Variants in PLPPR1 observed in about 807,000 individuals in gnomAD.
The protein encoded by PLPPR1 is phospholipid phosphatase-related protein type 1.
Under a neutral mutation model 33.1 loss-of-function variants are expected in PLPPR1, and 10 were observed. The ratio of observed to expected loss-of-function variants is 0.30; its 90% confidence interval spans 0.19 to 0.51. PLPPR1 has a LOEUF of 0.51. Among genes scored for constraint, PLPPR1 ranks in the 20% least tolerant of loss-of-function variants. PLPPR1 has a pLI of 0.97. For missense variants in PLPPR1, 304 were observed against 408.1 expected, an observed-to-expected ratio of 0.74 and a Z score of 2.20; for synonymous variants, 151 against 151.0, an observed-to-expected ratio of 1.00 and a Z score of 0.00.
chr9:101,063,749 A>G (rs1414714391), intron 1 of PLPPR1, among the ~76,000 whole-genome samples: 4 of 152,088 alleles, frequency 2.6e-5, no homozygotes, highest in Non-Finnish European at 2.9e-5. Context: ...TTTCTTAAAC[A>G]CTATCCCCAT....
intron 4 of PLPPR1, among the ~76,000 whole-genome samples, chr9:101,299,654 A>G (rs991167473): frequency 1.3e-5 from 2 of 152,184 alleles, no homozygotes; most frequent in African/African-American, 4.8e-5. Flanking sequence ...TCTAGTGTTG[A>G]GAGGCTGGAC....
intron 3 of PLPPR1, among the ~76,000 whole-genome samples, chr9:101,274,106 G>C (rs972987727): frequency 6.6e-6 from 1 of 152,222 alleles, no homozygotes; most frequent in Non-Finnish European, 1.5e-5. Flanking sequence ...TCAGTGGACA[G>C]AGCATTAAGC....
intron 4 of PLPPR1, among the ~76,000 whole-genome samples, chr9:101,292,112 G>C (rs534122445): frequency 6.6e-6 from 1 of 152,216 alleles, no homozygotes. Flanking sequence ...TGATGGAGCT[G>C]CAAGCCAAGG....
At position 101,309,219 on chromosome 9, in the gene PLPPR1, G is replaced by A. The variant is rs752369015; in HGVS notation, c.394G>A (p.Ala132Thr). Reference protein sequence around the residue: ...RRIIRFTGVFAFGLFATDIFV... With the variant: ...RRIIRFTGVFTFGLFATDIFV... ...TTTAAATCTTCTTATAGGGGTGTTT[G>A]CATTTGGACTTTTTGCTACTGACAT... The change falls in exon 5 of 8, where the codon GCA becomes ACA. Residue 132 changes from alanine (A) to threonine (T), a missense_variant. Physicochemically the swap from Ala to Thr is moderately conservative, Grantham distance 58. Coordinates refer to ENST00000374874, the MANE Select transcript of PLPPR1 (RefSeq NM_207299.2). 1.2e-6 allele frequency: 2 copies of A among 1,614,124 alleles called. No homozygotes were observed. Among genetic ancestry groups the A allele is most frequent in the East Asian group, 2.2e-5 (1 of 44,878 alleles).
intron 1 of PLPPR1, among the ~76,000 whole-genome samples, chr9:101,158,142 A>C (rs2118665515): frequency 6.6e-6 from 1 of 152,348 alleles, no homozygotes; most frequent in East Asian, 1.9e-4. Context: ...GGCACTTAAA[A>C]GTTTGTTGTT....
chr9:101,203,718 T>TTATATAGATATGTTATATATCTATCTA (rs1826535825), intron 2 of PLPPR1, among the ~76,000 whole-genome samples: 1 of 144,982 alleles, frequency 6.9e-6, no homozygotes, highest in Non-Finnish European at 1.5e-5. Flanking sequence ...TATATACACA[T>TTATATAGATATGTTATATATCTATCTA]TATATAGATA....
chr9:101,297,559 A>G (rs1003514458), intron 4 of PLPPR1, among the ~76,000 whole-genome samples: 11 of 152,064 alleles, frequency 7.2e-5, no homozygotes, highest in African/African-American at 1.9e-4. Flanking sequence ...TTTCCCCCCA[A>G]CCTTCTCATT....
chr9:101,038,813 T>A (rs1401165519), intron 1 of PLPPR1, among the ~76,000 whole-genome samples: 1 of 148,724 alleles, frequency 6.7e-6, no homozygotes, highest in African/African-American at 2.4e-5. Context: ...CTCCCGCCCA[T>A]CCCTGCCCAT....
intron 2 of PLPPR1, among the ~76,000 whole-genome samples, chr9:101,216,883 GAGAACCA>G (rs1826807919): frequency 6.6e-6 from 1 of 152,140 alleles, no homozygotes; most frequent in South Asian, 2.1e-4. Context: ...ACCCCTGGTT[GAGAACCA>G]CTGAGCTAAA....
intron 1 of PLPPR1, among the ~76,000 whole-genome samples, chr9:101,030,581 TG>T (rs1829933661): frequency 6.6e-6 from 1 of 151,956 alleles, no homozygotes; most frequent in Non-Finnish European, 1.5e-5. Flanking sequence ...AAAGGCGGGT[TG>T]GGCAGACAGG....
chr9:101,180,628 A>C (rs1473167290), intron 1 of PLPPR1, among the ~76,000 whole-genome samples: 1 of 151,802 alleles, frequency 6.6e-6, no homozygotes. Flanking sequence ...CCAAGAAAGC[A>C]CTAGTGGAGA....
intron 2 of PLPPR1, among the ~76,000 whole-genome samples, chr9:101,198,450 C>T (rs1346942): frequency 0.15 from 23,493 of 152,118 alleles, 2,502 homozygotes; most frequent in East Asian, 0.62. Flanking sequence ...TGATTCTGTC[C>T]TAATCAATGA....
intron 1 of PLPPR1, among the ~76,000 whole-genome samples, chr9:101,132,239 C>G (rs539605638): frequency 6.6e-6 from 1 of 152,234 alleles, no homozygotes; most frequent in East Asian, 1.9e-4. Flanking sequence ...TCCTTCCACA[C>G]TAGAAGGAGG....
chr9:101,265,819 AC>A (rs748508227), intron 2 of PLPPR1, among the ~76,000 whole-genome samples: 10 of 151,792 alleles, frequency 6.6e-5, no homozygotes, highest in Non-Finnish European at 1.3e-4. Flanking sequence ...ACATAGTGAA[AC>A]CCCGTCTCTA....
intron 3 of PLPPR1, among the ~76,000 whole-genome samples, chr9:101,278,854 A>G (rs1335407667): frequency 6.6e-6 from 1 of 152,174 alleles, no homozygotes; most frequent in East Asian, 1.9e-4. Flanking sequence ...CAGCAGCCCC[A>G]GGTTTTGGGC....
intron 1 of PLPPR1, among the ~76,000 whole-genome samples, chr9:101,121,715 C>T (rs1373660897): frequency 6.6e-6 from 1 of 152,120 alleles, no homozygotes; most frequent in African/African-American, 2.4e-5. Flanking sequence ...AATAAGTGAT[C>T]ATCTTAGATT....
At chr9:101,074,279 C>A (rs1830512184) in intron 1 of PLPPR1, among the ~76,000 whole-genome samples, 1 of 152,066 alleles carries the variant, frequency 6.6e-6, no homozygotes, top group Non-Finnish European at 1.5e-5. Flanking sequence ...TGGGATGTAG[C>A]ATTTTTCCTC....
chr9:101,270,002 A>G lies in PLPPR1; in HGVS notation c.186A>G (p.Thr62=), dbSNP rs146286564. 3 of 1,614,116 alleles carry G rather than the reference A, an allele frequency of 1.9e-6. No homozygotes were observed. The highest frequency in any genetic ancestry group is 1.7e-6 in the Non-Finnish European group (2 of 1,180,044). Residue 62 remains threonine (T), a synonymous_variant, in exon 3 of 8, where the codon ACA becomes ACG. Transcript: ENST00000374874. ...ACTTAATGAAGCCTTACCCAGGGAC[A>G]GAGGAAGAAAGCTTCATCACCCCTC... ...DGDLMKPYPG[T]EEESFITPLV...
At chr9:101,226,004 T>G (rs1213592369) in intron 2 of PLPPR1, among the ~76,000 whole-genome samples, 1 of 151,896 alleles carries the variant, frequency 6.6e-6, no homozygotes, top group Non-Finnish European at 1.5e-5. Context: ...AAAACTGAGG[T>G]CTGACCTCAT....
Sources: gnomAD v4.1 joint callset for allele counts (sites outside exome capture counted in the v4.1 genomes callset) on GRCh38, gnomAD v4.1.1 for gene constraint, MANE v1.5 for transcripts, NCBI Gene and HGNC (gene_info 2026-07-23, HGNC 2026-07-21) for gene names.